The following NAP1L4 variants were observed in gnomAD, a reference collection of about 807,000 sequenced individuals.
The protein encoded by NAP1L4 is nucleosome assembly protein 1 like 4, also known as nucleosome assembly protein 1-like 4.
Under a neutral mutation model 58.2 loss-of-function variants are expected in NAP1L4, and 15 were observed. That is an observed-to-expected ratio of 0.26 (90% CI 0.17 to 0.40). The LOEUF (loss-of-function observed/expected upper bound fraction) is 0.40. Ranked by LOEUF, NAP1L4 falls within the 10% of genes least tolerant of loss-of-function variation. NAP1L4 has a pLI of 1.00. For synonymous variants in NAP1L4, 171 were observed against 155.6 expected (o/e 1.10, Z -0.74); for missense variants, 384 against 451.1 (o/e 0.85, Z 1.35).
Position 2,951,681 on chromosome 11 carries a change from G to T in NAP1L4, c.1065+99C>A. 1 of 1,165,936 alleles carries T rather than the reference G, an allele frequency of 8.6e-7. No homozygotes were observed. 72.2% of individuals were successfully genotyped at this position (1,165,936 alleles called of 1,614,324 possible). ...AATCAAAGACAGCGTCACAAAAAAT[G>T]GGTTTAACACAGCCCTGTGAGTCCA... is the stretch of plus-strand genomic sequence containing the variant. On this transcript the variant is annotated intron_variant, in intron 13 of 15. Transcript: ENST00000380542. The surrounding 1 kb of genome is among the most constrained non-coding windows in gnomAD (Gnocchi z 4.0).
chr11:2,983,416 A>C (rs1848442091), intron 1 of NAP1L4, among the ~76,000 whole-genome samples: 1 of 152,110 alleles, frequency 6.6e-6, no homozygotes, highest in Non-Finnish European at 1.5e-5. Flanking sequence ...CAGTGGCAGG[A>C]TCATAGCTCA....
At chr11:2,969,294 TAG>T (rs1475374395) in intron 7 of NAP1L4, among the ~76,000 whole-genome samples, 1 of 151,682 alleles carries the variant, frequency 6.6e-6, no homozygotes, top group Admixed American at 6.6e-5. Flanking sequence ...TTAAAAAAAA[TAG>T]ACACTTTTTC....
chr11:2,972,083 A>C lies in NAP1L4; in HGVS notation c.315+19T>G. On this transcript the variant is annotated intron_variant, in intron 5 of 15. Transcript: ENST00000380542. ...TAAGCTGAAAACTATCTGTATATTA[A>C]ATTAACAGAGCTCCCTACCTTGTCA... 6.6e-7 allele frequency: 1 copy of C among 1,526,652 alleles called. No individual in the cohort carries two copies. Among genetic ancestry groups the C allele is most frequent in the South Asian group, 1.3e-5 (1 of 78,188 alleles). The allele number at this position is 1,526,652 out of a possible 1,614,324, so 94.6% of individuals were successfully genotyped here. A position where few individuals can be genotyped will look rare whatever the true frequency, so the allele number is the denominator to read the frequency against.
intron 7 of NAP1L4, among the ~76,000 whole-genome samples, chr11:2,965,319 C>T (rs1228259930): frequency 6.6e-6 from 1 of 152,228 alleles, no homozygotes; most frequent in Non-Finnish European, 1.5e-5. Flanking sequence ...CTCGATAGTG[C>T]AGCCTACTAT....
In NAP1L4 at chr11:2,944,872, G is replaced by A. The variant is rs1181251652; in HGVS notation, c.*807C>T. 1 of 152,224 alleles carries A rather than the reference G, an allele frequency of 6.6e-6. No individual in the cohort carries two copies. Among genetic ancestry groups the A allele is most frequent in the African/African-American group, 2.4e-5 (1 of 41,452 alleles). The allele number at this position is 152,224 out of a possible 1,614,324, so 9.4% of individuals were successfully genotyped here. On this transcript the variant is annotated 3_prime_UTR_variant, in exon 16 of 16. Coordinates refer to ENST00000380542, the MANE Select transcript of NAP1L4 (RefSeq NM_005969.4). The stretch of plus-strand genomic sequence containing the variant: ...GGCGTTTCTTCCGCACAGGCCTTGC[G>A]CCTGCTAGGAAGTGGCACATCTTCC...
rs898733466 is a variant in NAP1L4, at chr11:2,955,244, T to C, written c.915+500A>G. On this transcript the variant is annotated intron_variant, in intron 11 of 15. Transcript: ENST00000380542. This position sits in a 1 kb window ranked among gnomAD's most constrained non-coding sequence, Gnocchi z 4.2. ...GACGGAGTCTTGCTCTGTCGCCCAA[T>C]GGAATACGGTGGTGCAATCTCAGCT... 2.6e-5 allele frequency among the ~76,000 whole-genome samples: 4 copies of C among 152,118 alleles called. No individual in the cohort carries two copies. The highest frequency in any genetic ancestry group is 1.3e-4 in the Admixed American group (2 of 15,266).
At chr11:2,950,037 A>G (rs751968761) in intron 14 of NAP1L4, among the ~76,000 whole-genome samples, 2 of 152,230 alleles carry the variant, frequency 1.3e-5, no homozygotes, top group Non-Finnish European at 2.9e-5. Context: ...GACACCCCGC[A>G]CAGCAGTGAT....
In NAP1L4 at chr11:2,949,336, G is replaced by A. The variant is rs1049892443; in HGVS notation, c.1123-72C>T. ...TGAAATGCACAAAATTATACAGGAGGAAACGGCCACAATTTCTCATGATAC... is the reference window on the plus strand; with the variant it reads ...TGAAATGCACAAAATTATACAGGAGAAAACGGCCACAATTTCTCATGATAC... On this transcript the variant is annotated intron_variant, in intron 14 of 15. Coordinates refer to ENST00000380542, the MANE Select transcript of NAP1L4 (RefSeq NM_005969.4). The surrounding 1 kb of genome is among the most constrained non-coding windows in gnomAD (Gnocchi z 4.0). The A allele has an allele frequency of 7.9e-7, 1 of 1,265,170 alleles. No individual in the cohort carries two copies. Among genetic ancestry groups the A allele is most frequent in the South Asian group, 1.2e-5 (1 of 83,172 alleles). The allele number at this position is 1,265,170 out of a possible 1,614,324, so 78.4% of individuals were successfully genotyped here. A position where few individuals can be genotyped will look rare whatever the true frequency, so the allele number is the denominator to read the frequency against.
intron 9 of NAP1L4, 77 bp from the exon 10 acceptor site, chr11:2,958,621 C>T (rs1846688118): frequency 1.4e-6 from 2 of 1,460,048 alleles, no homozygotes; most frequent in Admixed American, 2.0e-5. Context: ...GGAAGCAAAC[C>T]ACAGCTCTAT....
chr11:2,977,489 G>C (rs1013680353), intron 3 of NAP1L4, among the ~76,000 whole-genome samples: 1 of 152,206 alleles, frequency 6.6e-6, no homozygotes, highest in Non-Finnish European at 1.5e-5. Flanking sequence ...GTGGCCCAGA[G>C]CGCTGATATG....
rs1488437446 is a variant in NAP1L4, at chr11:2,949,437, T to C, written c.1123-173A>G. ...CATACTTTCAAAATGGGCAGAAGCA[T>C]GATTTTCACTTCTATCAGACTGCTC... On this transcript the variant is annotated intron_variant, in intron 14 of 15. Coordinates refer to ENST00000380542, the MANE Select transcript of NAP1L4 (RefSeq NM_005969.4). The surrounding 1 kb of genome is among the most constrained non-coding windows in gnomAD (Gnocchi z 4.0). Among the ~76,000 whole-genome samples, 1 of 152,180 alleles carries C rather than the reference T, an allele frequency of 6.6e-6. No homozygotes were observed. The highest frequency in any genetic ancestry group is 1.5e-5 in the Non-Finnish European group (1 of 68,040).
intron 1 of NAP1L4, among the ~76,000 whole-genome samples, chr11:2,982,623 C>T (rs915735966): frequency 6.6e-6 from 1 of 152,192 alleles, no homozygotes; most frequent in Admixed American, 6.5e-5. Flanking sequence ...GAAAGTCACA[C>T]GGCTAGTAAA....
chr11:2,971,973 A>AC lies in NAP1L4; in HGVS notation c.315+128dup. On this transcript the variant is annotated intron_variant, in intron 5 of 15. Transcript: ENST00000380542. This position sits in a 1 kb window ranked among gnomAD's most constrained non-coding sequence, Gnocchi z 4.2. Reference sequence around the variant, plus strand: ...TCTGAGCTTGTTTAAGGTAGTCTAGACTAAGCTATGTTTGGCAGGTTAGAT... The same window carrying AC: ...TCTGAGCTTGTTTAAGGTAGTCTAGACCTAAGCTATGTTTGGCAGGTTAGAT... 1.0e-6 allele frequency: 1 copy of AC among 958,298 alleles called. No individual in the cohort carries two copies. The highest frequency in any genetic ancestry group is 1.5e-6 in the Non-Finnish European group (1 of 677,654). The allele number at this position is 958,298 out of a possible 1,614,324, so 59.4% of individuals were successfully genotyped here.
intron 12 of NAP1L4, chr11:2,952,340 T>C (rs557141383): frequency 6.5e-6 from 1 of 154,536 alleles, no homozygotes; most frequent in South Asian, 2.0e-4. Context: ...ACCTCCACCA[T>C]TAGTCAATTG....
rs1429926678 is a variant in NAP1L4, at chr11:2,978,346, AAAC to A, written c.15-7_15-5del. ...TGAAGGAACCCCATCTGAAAAACTA[AAAC>A]AACAGTATGTTTAAAAAGTATTACT... On this transcript the variant is annotated splice_polypyrimidine_tract_variant and splice_region_variant and intron_variant, in intron 2 of 15. Transcript: ENST00000380542. 1 of 1,613,674 alleles carries A rather than the reference AAAC, an allele frequency of 6.2e-7. No individual in the cohort carries two copies. The highest frequency in any genetic ancestry group is 2.2e-5 in the East Asian group (1 of 44,850).
At chr11:2,982,980 A>G (rs1848414866) in intron 1 of NAP1L4, among the ~76,000 whole-genome samples, 1 of 152,190 alleles carries the variant, frequency 6.6e-6, no homozygotes, top group Admixed American at 6.5e-5. Context: ...AGATTGCACC[A>G]CTGCACTCCA....
intron 2 of NAP1L4, 97 bp from the exon 3 acceptor site, chr11:2,978,439 T>C (rs1848099286): frequency 8.7e-7 from 1 of 1,153,768 alleles, no homozygotes; most frequent in Non-Finnish European, 1.3e-6. Flanking sequence ...TTAAGAGGTA[T>C]CTGTACAGTG....
At chr11:2,960,141 C>T (rs916288721) in intron 8 of NAP1L4, 6 of 459,074 alleles carry the variant, frequency 1.3e-5, no homozygotes, top group Non-Finnish European at 2.0e-5. Context: ...TGTTCCCCCT[C>T]CAATGCCTCC....
Position 2,955,907 on chromosome 11 carries a change from G to C in NAP1L4, c.893-141C>G, listed in dbSNP as rs1590224433. 1.4e-6 allele frequency: 1 copy of C among 732,576 alleles called. No individual in the cohort carries two copies. Among genetic ancestry groups the C allele is most frequent in the Non-Finnish European group, 2.2e-6 (1 of 444,812 alleles). The allele number at this position is 732,576 out of a possible 1,614,324, so 45.4% of individuals were successfully genotyped here. On this transcript the variant is annotated intron_variant, in intron 10 of 15. Transcript: ENST00000380542. The surrounding 1 kb of genome is among the most constrained non-coding windows in gnomAD (Gnocchi z 4.2). ...GTTTAACAGAAATCCCCAAAGCCTT[G>C]CATCTCCTCACAGACATCTTTGCAA...
Sources: gnomAD v4.1 joint callset for allele counts (sites outside exome capture counted in the v4.1 genomes callset) on GRCh38, gnomAD v4.1.1 for gene constraint, Gnocchi (gnomAD v3.1) non-coding constraint, MANE v1.5 for transcripts, NCBI Gene and HGNC (gene_info 2026-07-23, HGNC 2026-07-21) for gene names.